SPATA31H1: variants seen among roughly 807,000 people sequenced by gnomAD.
SPATA31H1 encodes the protein SPATA31 subfamily H member 1, also known as spermatogenesis-associated protein 31H1.
chr2:27,582,427 A>ATAG, the SPATA31H1 span: 1 of 1,614,208 alleles, frequency 6.2e-7, no homozygotes, highest in Non-Finnish European at 8.5e-7. Context: ...AGGCCCAGCC[A>ATAG]TAGTTTGTCT....
chr2:27,580,659 A>G, the SPATA31H1 span: 4 of 1,614,230 alleles, frequency 2.5e-6, no homozygotes, highest in Non-Finnish European at 2.5e-6. Context: ...GGCATTCCAA[A>G]CAGCACACAG....
At chr2:27,541,411 A>C in the SPATA31H1 span, among the ~76,000 whole-genome samples, 1 of 150,424 alleles carries the variant, frequency 6.6e-6, no homozygotes, top group Non-Finnish European at 1.5e-5. Flanking sequence ...AGGGGGAGAG[A>C]GAGAGGGGAG....
At chr2:27,546,951 C>T in the SPATA31H1 span, among the ~76,000 whole-genome samples, 1 of 151,962 alleles carries the variant, frequency 6.6e-6, no homozygotes, top group African/African-American at 2.4e-5. Flanking sequence ...CACTGTAATC[C>T]CTGTCCTTTC....
chr2:27,570,691 C>T, the SPATA31H1 span: 1 of 398,866 alleles, frequency 2.5e-6, no homozygotes, highest in South Asian at 1.3e-4. Flanking sequence ...TTAGAGATGA[C>T]CCCAGGGCCA....
the SPATA31H1 span, chr2:27,573,460 T>C: frequency 2.5e-6 from 1 of 398,498 alleles, no homozygotes; most frequent in Non-Finnish European, 4.4e-6. Flanking sequence ...TTAAGAAATG[T>C]GAAGTCATCT....
At chr2:27,579,686 C>T in the SPATA31H1 span, 61 of 1,614,158 alleles carry the variant, frequency 3.8e-5, no homozygotes, top group Non-Finnish European at 4.8e-5. Flanking sequence ...GCATATTTTA[C>T]GATAGAGAAG....
chr2:27,573,999 C>G, the SPATA31H1 span: 2 of 398,342 alleles, frequency 5.0e-6, no homozygotes, highest in Non-Finnish European at 8.9e-6. Context: ...GACAAAGTCC[C>G]AAGACATGAA....
At chr2:27,557,936 G>A in the SPATA31H1 span, among the ~76,000 whole-genome samples, 2 of 7,404 alleles carry the variant, frequency 2.7e-4, no homozygotes, top group Non-Finnish European at 7.1e-4. Flanking sequence ...CCTCCCTCCC[G>A]GATGGGGCGG....
the SPATA31H1 span, chr2:27,570,474 T>G: frequency 5.0e-6 from 2 of 398,878 alleles, no homozygotes; most frequent in Non-Finnish European, 8.9e-6. Flanking sequence ...TAGTGTGAAT[T>G]TTGTAGAGGT....
At chr2:27,544,293 TA>T in the SPATA31H1 span, among the ~76,000 whole-genome samples, 1 of 151,986 alleles carries the variant, frequency 6.6e-6, no homozygotes, top group Non-Finnish European at 1.5e-5. Flanking sequence ...CCCATGTAAC[TA>T]AAACCCTAAT....
At chr2:27,546,162 T>G in the SPATA31H1 span, among the ~76,000 whole-genome samples, 1 of 152,080 alleles carries the variant, frequency 6.6e-6, no homozygotes, top group African/African-American at 2.4e-5. Context: ...CAATTGTGTC[T>G]TAATGACCAA....
chr2:27,567,331 C>A, the SPATA31H1 span: 1 of 540,996 alleles, frequency 1.8e-6, no homozygotes, highest in Non-Finnish European at 3.3e-6. Context: ...CAAACAGCAC[C>A]TTTACCTTTG....
At chr2:27,579,728 A>C in the SPATA31H1 span, 17 of 1,614,180 alleles carry the variant, frequency 1.1e-5, no homozygotes, top group African/African-American at 2.0e-4. Flanking sequence ...GTGAGGACTC[A>C]CAGAGTGATT....
chr2:27,549,848 G>T, the SPATA31H1 span, among the ~76,000 whole-genome samples: 3 of 151,706 alleles, frequency 2.0e-5, no homozygotes, highest in Non-Finnish European at 4.4e-5. Flanking sequence ...GTGGAGATGG[G>T]GTCTCACTAT....
the SPATA31H1 span, among the ~76,000 whole-genome samples, chr2:27,550,586 T>G: frequency 6.6e-6 from 1 of 151,482 alleles, no homozygotes; most frequent in South Asian, 2.1e-4. Flanking sequence ...GCCTGGCTAA[T>G]TTTTGTATTT....
chr2:27,569,696 TGAG>T, the SPATA31H1 span: 1 of 398,906 alleles, frequency 2.5e-6, no homozygotes, highest in Non-Finnish European at 4.4e-6. Context: ...TGGTAGAATC[TGAG>T]GAGATGATGC....
At chr2:27,556,298 T>A in the SPATA31H1 span, among the ~76,000 whole-genome samples, 2 of 144,760 alleles carry the variant, frequency 1.4e-5, no homozygotes, top group African/African-American at 2.5e-5. Context: ...TTTTTTTTTT[T>A]AATAGACTGT....
At chr2:27,578,247 T>C in the SPATA31H1 span, 1 of 1,614,180 alleles carries the variant, frequency 6.2e-7, no homozygotes, top group East Asian at 2.2e-5. Context: ...CACAGGGCCA[T>C]GTTTGCAAGA....
chr2:27,579,000 A>C, the SPATA31H1 span: 43 of 1,614,084 alleles, frequency 2.7e-5, no homozygotes, highest in Admixed American at 8.3e-5. Flanking sequence ...CATTGTGGAA[A>C]ACCCATGTCC....
Sources: allele counts gnomAD v4.1 joint callset (sites outside exome capture counted in the v4.1 genomes callset), GRCh38; gene constraint gnomAD v4.1.1; transcripts MANE v1.5; gene names NCBI Gene and HGNC (gene_info 2026-07-23, HGNC 2026-07-21).